MEF2C: variants seen among roughly 807,000 people sequenced by gnomAD.
MEF2C encodes the protein myocyte enhancer factor 2C.
Under a neutral mutation model 50.5 loss-of-function variants are expected in MEF2C, and 6 were observed. The ratio of observed to expected loss-of-function variants is 0.12; its 90% CI spans 0.07 to 0.23. The LOEUF is 0.23. Among genes scored for constraint, MEF2C ranks in the 10% least tolerant of loss-of-function variants. The pLI, the probability that MEF2C is intolerant of heterozygous loss-of-function variation, is 1.00. For missense variants in MEF2C, 276 were observed against 605.0 expected, an observed-to-expected ratio of 0.46 and a Z score of 5.70; for synonymous variants, 183 against 228.0, an observed-to-expected ratio of 0.80 and a Z score of 1.78.
intron 2 of MEF2C, among the ~76,000 whole-genome samples, chr5:88,816,713 T>C (rs1370251824): frequency 8.6e-5 from 13 of 151,856 alleles, no homozygotes; most frequent in Admixed American, 8.6e-4. Context: ...ATGGGTATGA[T>C]GTCCTAAAAT....
chr5:88,897,531 G>A (rs1294140792), intron 1 of MEF2C, among the ~76,000 whole-genome samples: 1 of 152,182 alleles, frequency 6.6e-6, no homozygotes, highest in Non-Finnish European at 1.5e-5. Context: ...TGACTGTCCT[G>A]AAGAGTTCGC....
At chr5:88,744,067 G>A (rs1581620795) in intron 6 of MEF2C, 1 of 979,624 alleles carries the variant, frequency 1.0e-6, no homozygotes, top group South Asian at 4.7e-5. Flanking sequence ...ATAACTCCTT[G>A]AGCATACTGG....
At chr5:88,804,393 G>A (rs1175189992) in intron 3 of MEF2C, 2 of 536,526 alleles carry the variant, frequency 3.7e-6, no homozygotes, top group African/African-American at 3.8e-5. Context: ...GATCTTACAT[G>A]GTCTCTATCA....
At chr5:88,732,104 A>G (rs1761929257) in intron 6 of MEF2C, among the ~76,000 whole-genome samples, 1 of 152,202 alleles carries the variant, frequency 6.6e-6, no homozygotes. Context: ...AAAACTTTTT[A>G]TGAGAAGAGA....
chr5:88,862,644 GCT>G, intron 1 of MEF2C, among the ~76,000 whole-genome samples: 1 of 152,214 alleles, frequency 6.6e-6, no homozygotes, highest in South Asian at 2.1e-4. Context: ...TTCTTGGGTA[GCT>G]CCCTGTTTGG....
intron 1 of MEF2C, among the ~76,000 whole-genome samples, chr5:88,834,074 CT>C (rs1814083518): frequency 6.6e-6 from 1 of 150,608 alleles, no homozygotes; most frequent in Admixed American, 6.6e-5. Context: ...CATGACTGCC[CT>C]GGCTCACTGT....
chr5:88,893,319 C>CT (rs11368134), intron 1 of MEF2C, among the ~76,000 whole-genome samples: 32,868 of 145,706 alleles, frequency 0.23, 3,870 homozygotes, highest in Non-Finnish European at 0.29. Flanking sequence ...TCTTTCTTTT[C>CT]TTTTTTTTTT....
chr5:88,748,816 G>A, intron 6 of MEF2C: 1 of 985,366 alleles, frequency 1.0e-6, no homozygotes. Flanking sequence ...AAGTTGATTG[G>A]ATCAGAGCCC....
intron 3 of MEF2C, among the ~76,000 whole-genome samples, chr5:88,799,868 TCTCACACA>T (rs1432663405): frequency 1.0e-4 from 10 of 95,244 alleles, no homozygotes; most frequent in East Asian, 3.0e-4. Context: ...TCTCTCTCTC[TCTCACACA>T]CACACACACA....
rs1430753778 is a variant in MEF2C at position 88,742,489 on chromosome 5, A to G, written c.637+6581T>C. On this transcript the variant is annotated intron_variant, in intron 6 of 10. Coordinates refer to ENST00000504921, the MANE Select transcript of MEF2C (RefSeq NM_002397.5). ...TATGAGTAAAGAAACCAATCTTCAC[A>G]GTACTTTACTGTAGATATAGAAGGA... The G allele has an allele frequency of 5.1e-6, 5 of 979,166 alleles. No homozygotes were observed. The South Asian group carries it at 1.9e-4, about 37-fold the overall frequency. 60.7% of individuals were successfully genotyped at this position (979,166 alleles called of 1,614,324 possible).
chr5:88,759,809 T>C (rs1490031765), intron 4 of MEF2C, among the ~76,000 whole-genome samples: 1 of 152,244 alleles, frequency 6.6e-6, no homozygotes, highest in African/African-American at 2.4e-5. Context: ...TTTATAAGGA[T>C]AGAAATTTTA....
At chr5:88,761,664 C>A in intron 3 of MEF2C, 1 of 204,558 alleles carries the variant, frequency 4.9e-6, no homozygotes, top group Non-Finnish European at 9.7e-6. Flanking sequence ...AATTGCAACA[C>A]TCTCTTCCCA....
intron 1 of MEF2C, among the ~76,000 whole-genome samples, chr5:88,851,789 T>C (rs759863959): frequency 6.6e-6 from 1 of 152,196 alleles, no homozygotes; most frequent in Non-Finnish European, 1.5e-5. Flanking sequence ...TGTGAATAGG[T>C]TGTAATATTT....
At chr5:88,898,078 C>G (rs1305632666) in intron 1 of MEF2C, among the ~76,000 whole-genome samples, 1 of 152,114 alleles carries the variant, frequency 6.6e-6, no homozygotes, top group Non-Finnish European at 1.5e-5. Context: ...CCCTCTAATG[C>G]CATAATTTTT....
rs1026439900 is a variant in MEF2C at position 88,879,543 on chromosome 5, A to G, written c.-143+3412T>C. Among the ~76,000 whole-genome samples the G allele has an allele frequency of 2.0e-5, 3 of 152,048 alleles. No individual in the cohort carries two copies. The East Asian group carries it at 5.8e-4, about 29-fold the overall frequency. ...TATGCATTTTCTGCTGAATTACTCA[A>G]TAACATGAGTGTATGTTTTATTTCT... is the stretch of plus-strand genomic sequence containing the variant. On this transcript the variant is annotated intron_variant, in intron 1 of 10. Transcript: ENST00000504921.
intron 1 of MEF2C, among the ~76,000 whole-genome samples, chr5:88,870,687 G>A (rs1216314826): frequency 6.6e-6 from 1 of 151,988 alleles, no homozygotes; most frequent in Non-Finnish European, 1.5e-5. Context: ...AATTAGAGCT[G>A]TTTTGTCCTC....
intron 1 of MEF2C, among the ~76,000 whole-genome samples, chr5:88,850,398 T>C (rs910391067): frequency 3.9e-5 from 6 of 152,176 alleles, no homozygotes; most frequent in African/African-American, 1.4e-4. Flanking sequence ...AAGAGGTAGA[T>C]CTAGGGTTTG....
At chr5:88,878,557 T>C (rs1831824188) in intron 1 of MEF2C, among the ~76,000 whole-genome samples, 1 of 152,056 alleles carries the variant, frequency 6.6e-6, no homozygotes, top group Admixed American at 6.6e-5. Flanking sequence ...TATTGTGTTC[T>C]AACACGACTT....
intron 1 of MEF2C, among the ~76,000 whole-genome samples, chr5:88,881,726 C>CTTTT (rs5869446): frequency 7.0e-6 from 1 of 142,990 alleles, no homozygotes. Context: ...AGGCTAGTCG[C>CTTTT]TTTTTTTTTT....
Sources: allele counts gnomAD v4.1 joint callset (sites outside exome capture counted in the v4.1 genomes callset), GRCh38; gene constraint gnomAD v4.1.1; transcripts MANE v1.5; gene names NCBI Gene and HGNC (gene_info 2026-07-23, HGNC 2026-07-21).